Variants in HSF5 observed in about 807,000 individuals in gnomAD.
HSF5 encodes heat shock transcription factor 5.
HSF5 carries 5 observed loss-of-function variants against 50.8 expected under a neutral mutation model. That is an observed-to-expected ratio of 0.10 (90% CI 0.05 to 0.21). The LOEUF (loss-of-function observed/expected upper bound fraction) is 0.21. HSF5 is among the 10% of genes least tolerant of loss of function. HSF5 has a pLI of 1.00. For synonymous variants in HSF5, 307 were observed against 307.4 expected, an observed-to-expected ratio of 1.00 and a Z score of 0.02; for missense variants, 564 against 762.6, an observed-to-expected ratio of 0.74 and a Z score of 3.07.
intron 5 of HSF5, among the ~76,000 whole-genome samples, chr17:58,436,866 G>A (rs1479133335): frequency 6.6e-6 from 1 of 151,982 alleles, no homozygotes; most frequent in African/African-American, 2.4e-5. Flanking sequence ...AGAAAGCAGA[G>A]AAACGAAGGT....
chr17:58,449,756 G>C (rs28845883), intron 5 of HSF5, among the ~76,000 whole-genome samples: 23,144 of 151,020 alleles, frequency 0.15, 2,122 homozygotes, highest in Non-Finnish European at 0.22. Context: ...GGGCGCGGTG[G>C]CTCACGCCTG....
At chr17:58,436,893 G>A (rs897054735) in intron 5 of HSF5, among the ~76,000 whole-genome samples, 16 of 151,996 alleles carry the variant, frequency 1.1e-4, no homozygotes, top group African/African-American at 3.9e-4. Flanking sequence ...CTAGTACAAG[G>A]AAAGAAAGCA....
At chr17:58,425,408 A>G (rs1380440233) in intron 5 of HSF5, among the ~76,000 whole-genome samples, 1 of 103,700 alleles carries the variant, frequency 9.6e-6, no homozygotes, top group Admixed American at 9.7e-5. Context: ...CTCCACCTTA[A>G]AAAAAAAAAA....
intron 2 of HSF5, chr17:58,476,250 ATCT>A (rs908932251): frequency 1.5e-5 from 14 of 926,162 alleles, no homozygotes; most frequent in African/African-American, 3.3e-5. Context: ...CATCATCATC[ATCT>A]TCTTCTCCTT....
intron 5 of HSF5, 77 bp from the exon 6 acceptor site, chr17:58,422,507 A>C (rs1598176860): frequency 1.8e-6 from 2 of 1,132,278 alleles, no homozygotes; most frequent in Non-Finnish European, 2.6e-6. Context: ...CAAGCAGAAC[A>C]AGTTGTCTAT....
At chr17:58,442,742 G>A (rs1974515081) in intron 5 of HSF5, among the ~76,000 whole-genome samples, 1 of 151,914 alleles carries the variant, frequency 6.6e-6, no homozygotes, top group South Asian at 2.1e-4. Context: ...ATTCTTTTTT[G>A]TTTGTTTGTT....
intron 5 of HSF5, among the ~76,000 whole-genome samples, chr17:58,447,813 C>T (rs1310184044): frequency 1.3e-5 from 2 of 152,160 alleles, no homozygotes; most frequent in Admixed American, 6.5e-5. Flanking sequence ...AGAATAAATA[C>T]CTAACTCTCT....
intron 5 of HSF5, among the ~76,000 whole-genome samples, chr17:58,444,116 A>G (rs1385872542): frequency 6.6e-6 from 1 of 152,256 alleles, no homozygotes; most frequent in Non-Finnish European, 1.5e-5. Flanking sequence ...TTCCATGTTC[A>G]TGGACTGGAA....
intron 3 of HSF5, among the ~76,000 whole-genome samples, chr17:58,465,784 C>G (rs1439078660): frequency 6.6e-6 from 1 of 152,126 alleles, no homozygotes; most frequent in Non-Finnish European, 1.5e-5. Flanking sequence ...AAATACAAAG[C>G]ATGGAATTTA....
At chr17:58,425,592 A>AC (rs1261091297) in intron 5 of HSF5, among the ~76,000 whole-genome samples, 12 of 150,952 alleles carry the variant, frequency 7.9e-5, no homozygotes, top group African/African-American at 2.9e-4. Context: ...AAAAAAAAAA[A>AC]AAAAAAAAAA....
At chr17:58,423,211 T>G (rs539112121) in intron 5 of HSF5, among the ~76,000 whole-genome samples, 113 of 152,322 alleles carry the variant, frequency 7.4e-4, no homozygotes, top group Admixed American at 3.1e-3. Flanking sequence ...AATTCCCACT[T>G]ATTGACTAAC....
At chr17:58,448,620 A>C (rs1444218957) in intron 5 of HSF5, among the ~76,000 whole-genome samples, 1 of 152,222 alleles carries the variant, frequency 6.6e-6, no homozygotes, top group Non-Finnish European at 1.5e-5. Context: ...CCAATCAAGA[A>C]TACTGTACCT....
intron 5 of HSF5, among the ~76,000 whole-genome samples, chr17:58,445,908 G>A (rs867980337): frequency 7.6e-4 from 115 of 152,176 alleles, no homozygotes; most frequent in African/African-American, 2.6e-3. Context: ...GGCCAAGGTG[G>A]GCAGATCACC....
chr17:58,487,956 G>C lies in HSF5; in HGVS notation c.319C>G (p.Pro107Ala). 1 of 1,611,324 alleles carries C rather than the reference G, an allele frequency of 6.2e-7. No individual in the cohort carries two copies. Among genetic ancestry groups the C allele is most frequent in the Non-Finnish European group, 8.5e-7 (1 of 1,179,362 alleles). Residue 107 changes from proline (P) to alanine (A), a missense_variant, in exon 1 of 6, where the codon CCG becomes GCG. Physicochemically the swap from Pro to Ala is conservative, Grantham distance 27. Transcript: ENST00000323777. ...PGGGKPAGNGPLHHFHNPHFR... is the reference protein window; with the variant it reads ...PGGGKPAGNGALHHFHNPHFR... ...TGCGGGTTGTGGAAGTGATGGAGCGGCCCATTGCCTGCCGGTTTGCCGCCC... is the reference window on the plus strand; with the variant it reads ...TGCGGGTTGTGGAAGTGATGGAGCGCCCCATTGCCTGCCGGTTTGCCGCCC...
intron 5 of HSF5, among the ~76,000 whole-genome samples, chr17:58,445,029 C>T (rs1276390512): frequency 6.6e-6 from 1 of 151,824 alleles, no homozygotes; most frequent in Non-Finnish European, 1.5e-5. Flanking sequence ...AAAATCAAAC[C>T]TATAATGAGG....
intron 5 of HSF5, among the ~76,000 whole-genome samples, chr17:58,446,783 A>T (rs139571167): frequency 3.8e-4 from 57 of 150,364 alleles, no homozygotes; most frequent in Middle Eastern, 6.8e-3. Context: ...GTGCCACGTC[A>T]TCCCTGTCCC....
chr17:58,423,738 C>T (rs1442826710), intron 5 of HSF5, among the ~76,000 whole-genome samples: 4 of 152,036 alleles, frequency 2.6e-5, no homozygotes, highest in African/African-American at 9.7e-5. Context: ...CTCAGCCTCC[C>T]AAAGTGCTAG....
intron 2 of HSF5, chr17:58,476,027 G>A: frequency 2.5e-6 from 1 of 399,324 alleles, no homozygotes. Flanking sequence ...GAGCACAAGA[G>A]GAAAACAAAC....
intron 2 of HSF5, among the ~76,000 whole-genome samples, chr17:58,474,490 C>T (rs1241464515): frequency 6.6e-6 from 1 of 152,084 alleles, no homozygotes; most frequent in Non-Finnish European, 1.5e-5. Context: ...ATCAGCAGCA[C>T]TTACTTGTTC....
Sources: allele counts gnomAD v4.1 joint callset (sites outside exome capture counted in the v4.1 genomes callset), GRCh38; gene constraint gnomAD v4.1.1; transcripts MANE v1.5; gene names NCBI Gene and HGNC (gene_info 2026-07-23, HGNC 2026-07-21).